ARHGAP25: variants seen among roughly 807,000 people sequenced by gnomAD.
The protein encoded by ARHGAP25 is Rho GTPase activating protein 25.
ARHGAP25 carries 34 observed loss-of-function variants against 71.0 expected under a neutral mutation model. That is an observed-to-expected ratio of 0.48 (90% CI 0.36 to 0.64). ARHGAP25 has a LOEUF of 0.64. Among genes scored for constraint, ARHGAP25 ranks in the 30% least tolerant of loss-of-function variants. The pLI is 0.00. For missense variants in ARHGAP25, 706 were observed against 805.1 expected, an observed-to-expected ratio of 0.88 and a Z score of 1.49; for synonymous variants, 282 against 296.5, an observed-to-expected ratio of 0.95 and a Z score of 0.50.
intron 2 of ARHGAP25, 165 bp downstream of exon 2, chr2:68,775,585 G>C (rs1244217830): frequency 1.3e-5 from 14 of 1,085,622 alleles, no homozygotes; most frequent in Non-Finnish European, 1.9e-5. Flanking sequence ...TACATAAACT[G>C]AGTTGCAAAG....
At chr2:68,769,269 C>A (rs1677329138) in intron 1 of ARHGAP25, among the ~76,000 whole-genome samples, 1 of 152,108 alleles carries the variant, frequency 6.6e-6, no homozygotes, top group African/African-American at 2.4e-5. Context: ...TGAGTCCATA[C>A]TATAATAATA....
At chr2:68,819,707 T>G in intron 9 of ARHGAP25, 1 of 532,356 alleles carries the variant, frequency 1.9e-6, no homozygotes, top group Non-Finnish European at 3.3e-6. Flanking sequence ...ACTGGTTTCC[T>G]GCTAACCCAT....
chr2:68,749,777 C>A (rs1198309480), intron 1 of ARHGAP25, among the ~76,000 whole-genome samples: 1 of 152,196 alleles, frequency 6.6e-6, no homozygotes, highest in Non-Finnish European at 1.5e-5. Flanking sequence ...GGTATTCGAA[C>A]TTTTCTAAGC....
intron 2 of ARHGAP25, among the ~76,000 whole-genome samples, chr2:68,781,604 T>G: frequency 6.6e-6 from 1 of 152,208 alleles, no homozygotes; most frequent in East Asian, 1.9e-4. Context: ...GCACTGGCTT[T>G]GGACTGACTT....
At position 68,826,158 on chromosome 2, in the gene ARHGAP25, T is replaced by C; in HGVS notation, c.1905T>C (p.Phe635=). 3 of 1,614,146 alleles carry C rather than the reference T, an allele frequency of 1.9e-6. No individual in the cohort carries two copies. In the South Asian group the frequency reaches 3.3e-5, roughly 18 times the overall value. Residue 635 remains phenylalanine, a synonymous_variant, in exon 11 of 11, where the codon TTT becomes TTC. Coordinates refer to ENST00000409202, the MANE Select transcript of ARHGAP25 (RefSeq NM_001007231.3). The part of the protein sequence containing the change: ...NKALEEEVKE[F]VKSMKEPKTE... ...CCTTGGAAGAAGAAGTCAAGGAATT[T>C]GTCAAATCCATGAAGGAACCCAAGA...
At chr2:68,770,225 T>C (rs933302877) in intron 1 of ARHGAP25, among the ~76,000 whole-genome samples, 14 of 152,234 alleles carry the variant, frequency 9.2e-5, no homozygotes, top group African/African-American at 3.1e-4. Context: ...GTAAGCATGA[T>C]GAGCTTGACA....
At chr2:68,721,559 C>T (rs1350138101) in intron 2 of ARHGAP25, among the ~76,000 whole-genome samples, 3 of 152,218 alleles carry the variant, frequency 2.0e-5, no homozygotes, top group Non-Finnish European at 4.4e-5. Flanking sequence ...CAGGTTCCCA[C>T]CAGCTCCTCC....
intron 3 of ARHGAP25, among the ~76,000 whole-genome samples, chr2:68,782,817 G>C (rs1678436441): frequency 6.6e-6 from 1 of 152,226 alleles, no homozygotes; most frequent in African/African-American, 2.4e-5. Context: ...CATTGGAGGT[G>C]CCTCTTTCAA....
At chr2:68,818,019 C>T in intron 8 of ARHGAP25, 25 bp downstream of exon 8, 1 of 1,613,128 alleles carries the variant, frequency 6.2e-7, no homozygotes. Flanking sequence ...GTAGTGAAAG[C>T]AGGTACCCAG....
At chr2:68,791,134 G>C (rs547727942) in intron 4 of ARHGAP25, among the ~76,000 whole-genome samples, 1 of 152,128 alleles carries the variant, frequency 6.6e-6, no homozygotes, top group Non-Finnish European at 1.5e-5. Flanking sequence ...TCTGTTTAAC[G>C]TTGGACCCCT....
intron 1 of ARHGAP25, among the ~76,000 whole-genome samples, chr2:68,751,938 A>T (rs1203414940): frequency 6.6e-6 from 1 of 152,214 alleles, no homozygotes; most frequent in East Asian, 1.9e-4. Flanking sequence ...CGGCAAACTC[A>T]GCCAAGTTTG....
intron 9 of ARHGAP25, chr2:68,819,757 G>A (rs1681503228): frequency 7.1e-6 from 3 of 419,880 alleles, no homozygotes; most frequent in Non-Finnish European, 1.3e-5. Flanking sequence ...ATGTGTTTGT[G>A]TAATATTTCT....
chr2:68,731,268 G>A (rs1675014937), upstream of ARHGAP25, among the ~76,000 whole-genome samples: 1 of 151,906 alleles, frequency 6.6e-6, no homozygotes. Flanking sequence ...TTTTGTGCGT[G>A]CCCCATCTCT....
At chr2:68,742,577 A>T (rs1275689935) in intron 1 of ARHGAP25, among the ~76,000 whole-genome samples, 1 of 152,220 alleles carries the variant, frequency 6.6e-6, no homozygotes, top group Non-Finnish European at 1.5e-5. Context: ...TTAGCATAAG[A>T]GCTGGTGTCT....
intron 1 of ARHGAP25, among the ~76,000 whole-genome samples, chr2:68,770,002 A>T (rs1293587968): frequency 6.6e-6 from 1 of 152,178 alleles, no homozygotes; most frequent in Admixed American, 6.5e-5. Flanking sequence ...CATGATCAGA[A>T]TTCTGTTTGA....
intron 4 of ARHGAP25, among the ~76,000 whole-genome samples, chr2:68,797,269 C>T (rs1019612396): frequency 2.6e-5 from 4 of 152,138 alleles, no homozygotes; most frequent in African/African-American, 9.7e-5. Flanking sequence ...TGAGGGGCAA[C>T]CTTTGCTGTC....
chr2:68,799,924 G>A (rs765854690), intron 4 of ARHGAP25, among the ~76,000 whole-genome samples: 15 of 152,188 alleles, frequency 9.9e-5, no homozygotes, highest in South Asian at 8.3e-4. Flanking sequence ...GTGAGTCTTC[G>A]GCCCTGCCAT....
chr2:68,758,765 A>G, intron 1 of ARHGAP25, among the ~76,000 whole-genome samples: 1 of 151,906 alleles, frequency 6.6e-6, no homozygotes, highest in African/African-American at 2.4e-5. Context: ...TAGATCTAAG[A>G]GACATATACA....
At chr2:68,754,258 C>T (rs1467489699) in intron 1 of ARHGAP25, among the ~76,000 whole-genome samples, 1 of 152,180 alleles carries the variant, frequency 6.6e-6, no homozygotes, top group East Asian at 1.9e-4. Context: ...GTCAGCCCCT[C>T]TCACCCAGCC....
Sources: gnomAD v4.1 joint callset for allele counts (sites outside exome capture counted in the v4.1 genomes callset) on GRCh38, gnomAD v4.1.1 for gene constraint, MANE v1.5 for transcripts, NCBI Gene and HGNC (gene_info 2026-07-23, HGNC 2026-07-21) for gene names.